Variants in CNTN5 observed in about 807,000 individuals in gnomAD.
CNTN5 encodes the protein contactin-5.
CNTN5 carries 77 observed loss-of-function variants against 129.1 expected under a neutral mutation model. The ratio of observed to expected loss-of-function variants is 0.60; its 90% CI spans 0.50 to 0.72. CNTN5 has a LOEUF of 0.72. Ranked by LOEUF, CNTN5 falls within the 30% of genes least tolerant of loss-of-function variation. The pLI, the probability that CNTN5 is intolerant of heterozygous loss-of-function variation, is 0.00. For synonymous variants in CNTN5, 509 were observed against 465.6 expected (o/e 1.09, Z -1.20); for missense variants, 1,478 against 1,328.8 (o/e 1.11, Z -1.75).
chr11:99,500,713 T>C (rs1336244094), intron 2 of CNTN5, among the ~76,000 whole-genome samples: 4 of 152,200 alleles, frequency 2.6e-5, no homozygotes, highest in Non-Finnish European at 5.9e-5. Context: ...CATATTTGAA[T>C]TATTTTGCAT....
At chr11:99,085,508 A>G (rs916463068) in intron 1 of CNTN5, among the ~76,000 whole-genome samples, 1 of 152,150 alleles carries the variant, frequency 6.6e-6, no homozygotes, top group Non-Finnish European at 1.5e-5. Context: ...TTTTTCTAAC[A>G]TTTTTGAAAT....
chr11:99,870,971 T>C (rs143361928), intron 6 of CNTN5, among the ~76,000 whole-genome samples: 67 of 152,214 alleles, frequency 4.4e-4, no homozygotes, highest in African/African-American at 1.6e-3. Flanking sequence ...AGGCGTGACC[T>C]AACTATAGTT....
At chr11:99,965,075 C>T (rs893888373) in intron 8 of CNTN5, among the ~76,000 whole-genome samples, 1 of 151,954 alleles carries the variant, frequency 6.6e-6, no homozygotes. Flanking sequence ...GTCTTGCTAG[C>T]GGTCTATTAA....
At chr11:99,828,313 C>T (rs1435871362) in intron 4 of CNTN5, among the ~76,000 whole-genome samples, 1 of 152,004 alleles carries the variant, frequency 6.6e-6, no homozygotes, top group African/African-American at 2.4e-5. Flanking sequence ...TACAGTATGC[C>T]ACAGGCTGGG....
intron 4 of CNTN5, among the ~76,000 whole-genome samples, chr11:99,834,381 C>T (rs1947237750): frequency 6.6e-6 from 1 of 152,112 alleles, no homozygotes; most frequent in Non-Finnish European, 1.5e-5. Context: ...TTGTTTTAGG[C>T]TGGGCACAGT....
intron 3 of CNTN5, among the ~76,000 whole-genome samples, chr11:99,764,640 T>C (rs1349456428): frequency 4.6e-5 from 7 of 152,166 alleles, no homozygotes. Context: ...AGTCTTGAAC[T>C]CCCGATCTCA....
chr11:100,150,545 AAACTC>A (rs1947020232), intron 13 of CNTN5, among the ~76,000 whole-genome samples: 1 of 151,922 alleles, frequency 6.6e-6, no homozygotes, highest in African/African-American at 2.4e-5. Flanking sequence ...AATATTTCAA[AAACTC>A]TATAATTTTA....
At position 99,225,297 on chromosome 11, in the gene CNTN5, G is replaced by A. The variant is rs74998368; in HGVS notation, c.-209-100049G>A. 3.2e-3 allele frequency among the ~76,000 whole-genome samples: 489 copies of A among 152,208 alleles called. 2 individuals carry two copies. The highest frequency in any genetic ancestry group is 0.012 in the African/African-American group (478 of 41,530). On this transcript the variant is annotated intron_variant, in intron 1 of 24. Coordinates refer to ENST00000524871, the MANE Select transcript of CNTN5 (RefSeq NM_014361.4). ...AGCCTATAGCAACAGGGCGCTATAGGCCTGCGAGAGAAGAGTGAAAGAAAG... is the reference window on the plus strand; with the variant it reads ...AGCCTATAGCAACAGGGCGCTATAGACCTGCGAGAGAAGAGTGAAAGAAAG...
At chr11:100,090,442 T>C (rs1317038327) in intron 13 of CNTN5, among the ~76,000 whole-genome samples, 2 of 145,986 alleles carry the variant, frequency 1.4e-5, no homozygotes, top group Admixed American at 6.9e-5. Flanking sequence ...CCTTCCTTCC[T>C]TCCTTCCTCT....
At chr11:99,940,538 A>G (rs1337102423) in intron 7 of CNTN5, among the ~76,000 whole-genome samples, 2 of 152,184 alleles carry the variant, frequency 1.3e-5, no homozygotes, top group Admixed American at 6.6e-5. Flanking sequence ...ATTTAGGTAC[A>G]GTATTACAAC....
At chr11:99,745,722 G>A (rs1352676266) in intron 3 of CNTN5, among the ~76,000 whole-genome samples, 4 of 84,226 alleles carry the variant, frequency 4.7e-5, no homozygotes, top group Non-Finnish European at 1.1e-4. Context: ...TATATGACCT[G>A]AAGACATTTT....
At chr11:99,204,191 C>T (rs1368934302) in intron 1 of CNTN5, among the ~76,000 whole-genome samples, 1 of 152,170 alleles carries the variant, frequency 6.6e-6, no homozygotes, top group African/African-American at 2.4e-5. Flanking sequence ...CTCTCAGATT[C>T]TTGAAAGATA....
intron 3 of CNTN5, among the ~76,000 whole-genome samples, chr11:99,573,031 TATTTA>T (rs1949226176): frequency 6.6e-6 from 1 of 152,172 alleles, no homozygotes; most frequent in African/African-American, 2.4e-5. Flanking sequence ...TATGATGGAA[TATTTA>T]ATTTAAGAAA....
chr11:99,177,278 G>A (rs906561103), intron 1 of CNTN5, among the ~76,000 whole-genome samples: 1 of 151,926 alleles, frequency 6.6e-6, no homozygotes, highest in South Asian at 2.1e-4. Context: ...CTCTAAATAT[G>A]CTATTTATTT....
rs759511716 is a variant in CNTN5, at chr11:100,316,384, T to C, written c.2730+7916T>C. Reference sequence around the variant, plus strand: ...GTCCTTACCCTCAAAAAGCTCACAGTCTAATATTGAGGGAGGTTTATGGGA... The same window carrying C: ...GTCCTTACCCTCAAAAAGCTCACAGCCTAATATTGAGGGAGGTTTATGGGA... On this transcript the variant is annotated intron_variant, in intron 21 of 24. Transcript: ENST00000524871. Among the ~76,000 whole-genome samples, 3 of 152,180 alleles carry C rather than the reference T, an allele frequency of 2.0e-5. No individual in the cohort carries two copies. The East Asian group carries it at 5.8e-4, about 29-fold the overall frequency.
chr11:99,963,632 G>C (rs1372443096), intron 8 of CNTN5, among the ~76,000 whole-genome samples: 1 of 152,124 alleles, frequency 6.6e-6, no homozygotes, highest in South Asian at 2.1e-4. Context: ...GATTGACTTG[G>C]CGATGCGGGC....
At chr11:100,014,292 C>T (rs2137535442) in intron 9 of CNTN5, among the ~76,000 whole-genome samples, 1 of 152,262 alleles carries the variant, frequency 6.6e-6, no homozygotes, top group South Asian at 2.1e-4. Context: ...CCATTGGCAT[C>T]ATTATCGACC....
chr11:100,266,990 A>G (rs1024672713), intron 17 of CNTN5, among the ~76,000 whole-genome samples: 1 of 152,144 alleles, frequency 6.6e-6, no homozygotes, highest in East Asian at 1.9e-4. Context: ...TTACAGGTGA[A>G]GACAAACAAT....
Position 99,647,550 on chromosome 11 carries a change from A to T in CNTN5, c.55+91281A>T, listed in dbSNP as rs139124992. Among the ~76,000 whole-genome samples, 280 of 151,528 alleles carry T rather than the reference A, an allele frequency of 1.8e-3. 2 individuals carry two copies. Among genetic ancestry groups the T allele is most frequent in the African/African-American group, 6.4e-3 (264 of 41,362 alleles). ...CTTTTGTGGTTCCATACAAACGTTAATTTTTTTCTATTTTTGTATAGAATA... is the reference window on the plus strand; with the variant it reads ...CTTTTGTGGTTCCATACAAACGTTATTTTTTTTCTATTTTTGTATAGAATA... On this transcript the variant is annotated intron_variant, in intron 3 of 24. Coordinates refer to ENST00000524871, the MANE Select transcript of CNTN5 (RefSeq NM_014361.4).
Sources: allele counts gnomAD v4.1 joint callset (sites outside exome capture counted in the v4.1 genomes callset), GRCh38; gene constraint gnomAD v4.1.1; transcripts MANE v1.5; gene names NCBI Gene and HGNC (gene_info 2026-07-23, HGNC 2026-07-21).